SEZ6L: variants seen among roughly 807,000 people sequenced by gnomAD.
SEZ6L encodes the protein seizure related 6 homolog like.
A neutral mutation model predicts 106.2 loss-of-function variants in SEZ6L; 37 were observed. The observed-to-expected ratio is 0.35, with a 90% CI of 0.27 to 0.46. The LOEUF (loss-of-function observed/expected upper bound fraction) is 0.46, where lower values mean the gene tolerates loss of function less well. SEZ6L is among the 20% of genes least tolerant of loss of function. The pLI is 1.00. For synonymous variants in SEZ6L, 541 were observed against 570.4 expected, an observed-to-expected ratio of 0.95 and a Z score of 0.73; for missense variants, 1,172 against 1,332.8, an observed-to-expected ratio of 0.88 and a Z score of 1.88.
chr22:26,262,880 C>A (rs2080061114), intron 1 of SEZ6L, among the ~76,000 whole-genome samples: 1 of 152,178 alleles, frequency 6.6e-6, no homozygotes. Flanking sequence ...ATGGTTTGAG[C>A]ACAGGGCTGA....
At chr22:26,369,357 T>TTTTTTTTTTTTTTTTTTTTTTTTTGAAGG in intron 13 of SEZ6L, among the ~76,000 whole-genome samples, 1 of 130,514 alleles carries the variant, frequency 7.7e-6, no homozygotes, top group African/African-American at 2.9e-5. Flanking sequence ...TTTTTTTTTT[T>TTTTTTTTTTTTTTTTTTTTTTTTTGAAGG]GAGACAGATT....
At chr22:26,229,607 G>A (rs2078736686) in intron 1 of SEZ6L, among the ~76,000 whole-genome samples, 1 of 152,164 alleles carries the variant, frequency 6.6e-6, no homozygotes, top group Non-Finnish European at 1.5e-5. Flanking sequence ...GCCCCAATTT[G>A]TGTGTAGCCT....
rs529876719 is a variant in SEZ6L at position 26,255,888 on chromosome 22, A to C, written c.95-36518A>C. On this transcript the variant is annotated intron_variant, in intron 1 of 16. Coordinates refer to ENST00000248933, the MANE Select transcript of SEZ6L (RefSeq NM_021115.5). ...CATGTAGGGCAGACAAGCAGCCATC[A>C]TCCCATTTAAAATCATTGTAAACTT... Among the ~76,000 whole-genome samples the C allele has an allele frequency of 5.9e-5, 9 of 152,346 alleles. No homozygotes were observed. In the South Asian group the frequency reaches 1.9e-3, roughly 32 times the overall value.
chr22:26,252,741 G>A lies in SEZ6L; in HGVS notation c.95-39665G>A, dbSNP rs1476134142. ...CCAGTTGCATCCATGTTCCTGCTAGGGACGTGATTTTGTTCTTTGTTTATG... is the reference window on the plus strand; with the variant it reads ...CCAGTTGCATCCATGTTCCTGCTAGAGACGTGATTTTGTTCTTTGTTTATG... On this transcript the variant is annotated intron_variant, in intron 1 of 16. Transcript: ENST00000248933. Among the ~76,000 whole-genome samples the A allele has an allele frequency of 2.6e-5, 4 of 152,314 alleles. No homozygotes were observed. In the East Asian group the frequency reaches 7.7e-4, roughly 29 times the overall value.
intron 1 of SEZ6L, among the ~76,000 whole-genome samples, chr22:26,279,277 C>T (rs1314370143): frequency 1.3e-5 from 2 of 152,132 alleles, no homozygotes; most frequent in Admixed American, 6.5e-5. Context: ...TTTGTCTCTC[C>T]TCCCACGGAG....
At position 26,290,657 on chromosome 22, in the gene SEZ6L, A is replaced by G. The variant is rs1205479278; in HGVS notation, c.95-1749A>G. On this transcript the variant is annotated intron_variant, in intron 1 of 16. Coordinates refer to ENST00000248933, the MANE Select transcript of SEZ6L (RefSeq NM_021115.5). ...TGATCCCAGGAGTTTGCAACCAGCC[A>G]TAGTGAGATCCGTCTCAAGAAAAAA... 2.0e-5 allele frequency among the ~76,000 whole-genome samples: 3 copies of G among 152,380 alleles called. No homozygotes were observed. The East Asian group carries it at 5.8e-4, about 29-fold the overall frequency.
intron 5 of SEZ6L, among the ~76,000 whole-genome samples, chr22:26,300,432 G>C (rs1317019863): frequency 6.6e-6 from 1 of 152,044 alleles, no homozygotes; most frequent in Non-Finnish European, 1.5e-5. Context: ...GCGACAGTTT[G>C]CTGAGAATGA....
At chr22:26,227,612 T>C (rs2078673236) in intron 1 of SEZ6L, among the ~76,000 whole-genome samples, 3 of 150,628 alleles carry the variant, frequency 2.0e-5, no homozygotes, top group Non-Finnish European at 4.4e-5. Context: ...AGAGACTGGT[T>C]CTTGCTATGT....
intron 1 of SEZ6L, among the ~76,000 whole-genome samples, chr22:26,172,019 C>T (rs1191546671): frequency 6.6e-6 from 1 of 152,028 alleles, no homozygotes; most frequent in Non-Finnish European, 1.5e-5. Context: ...ATGCAGGTCA[C>T]GTGGTTCTCT....
At chr22:26,355,690 A>G (rs1407009615) in intron 12 of SEZ6L, among the ~76,000 whole-genome samples, 1 of 152,238 alleles carries the variant, frequency 6.6e-6, no homozygotes, top group Admixed American at 6.5e-5. Context: ...AGATCACGCC[A>G]CTGCACTCCA....
At chr22:26,259,554 T>C (rs763726179) in intron 1 of SEZ6L, among the ~76,000 whole-genome samples, 1 of 152,074 alleles carries the variant, frequency 6.6e-6, no homozygotes, top group Non-Finnish European at 1.5e-5. Context: ...GGAAAGATCA[T>C]GGTAGAATAA....
At chr22:26,210,931 C>T (rs1228255321) in intron 1 of SEZ6L, among the ~76,000 whole-genome samples, 3 of 152,214 alleles carry the variant, frequency 2.0e-5, no homozygotes, top group Admixed American at 1.3e-4. Context: ...CACCCTCCTG[C>T]ACTCCAACAA....
At chr22:26,370,697 G>GA (rs111967410) in intron 13 of SEZ6L, among the ~76,000 whole-genome samples, 2,060 of 142,158 alleles carry the variant, frequency 0.014, 51 homozygotes, top group African/African-American at 0.047. Flanking sequence ...TTGTTTTACA[G>GA]AAAAAAAAAA....
At chr22:26,365,182 T>C (rs2083763825) in intron 12 of SEZ6L, among the ~76,000 whole-genome samples, 190 bp from the exon 13 acceptor site, 1 of 152,220 alleles carries the variant, frequency 6.6e-6, no homozygotes, top group Non-Finnish European at 1.5e-5. Context: ...ACCTTGCCTG[T>C]ATGTAATCTG....
chr22:26,299,223 G>T (rs892207451), intron 5 of SEZ6L, 54 bp downstream of exon 5: 54 of 1,304,474 alleles, frequency 4.1e-5, no homozygotes, highest in Non-Finnish European at 5.0e-5. Flanking sequence ...AGAGGGGAAA[G>T]ACCAACCTGT....
chr22:26,382,167 C>A lies in SEZ6L; in HGVS notation c.*1872C>A. 2.4e-6 allele frequency: 1 copy of A among 411,342 alleles called. No homozygotes were observed. 25.5% of individuals were successfully genotyped at this position (411,342 alleles called of 1,614,324 possible). A position where few individuals can be genotyped will look rare whatever the true frequency, so the allele number is the denominator to read the frequency against. The stretch of plus-strand genomic sequence containing the variant: ...TAGCTAAAGGCTGCTTTCCAGGACC[C>A]AAAGCCCCATTTAATGCAAGAACCA... On this transcript the variant is annotated 3_prime_UTR_variant, in exon 17 of 17. Coordinates refer to ENST00000248933, the MANE Select transcript of SEZ6L (RefSeq NM_021115.5).
chr22:26,225,661 C>T (rs1481426539), intron 1 of SEZ6L, among the ~76,000 whole-genome samples: 2 of 152,052 alleles, frequency 1.3e-5, no homozygotes, highest in African/African-American at 4.8e-5. Context: ...TGTTGCCATC[C>T]CAAGTGGTAA....
chr22:26,312,629 G>A (rs1341153671), intron 8 of SEZ6L, among the ~76,000 whole-genome samples: 2 of 152,218 alleles, frequency 1.3e-5, no homozygotes, highest in Admixed American at 1.3e-4. Context: ...TGTTGAGACA[G>A]AGACTCGCTC....
At chr22:26,229,170 T>C (rs138678294) in intron 1 of SEZ6L, among the ~76,000 whole-genome samples, 1 of 152,278 alleles carries the variant, frequency 6.6e-6, no homozygotes, top group East Asian at 1.9e-4. Context: ...ATAATTTTTG[T>C]ATTTCTACTA....
Sources: allele counts gnomAD v4.1 joint callset (sites outside exome capture counted in the v4.1 genomes callset), GRCh38; gene constraint gnomAD v4.1.1; transcripts MANE v1.5; gene names NCBI Gene and HGNC (gene_info 2026-07-23, HGNC 2026-07-21).